CHRM3: variants seen among roughly 807,000 people sequenced by gnomAD.
The protein encoded by CHRM3 is cholinergic receptor muscarinic 3, also known as muscarinic acetylcholine receptor M3.
Under a neutral mutation model 41.8 loss-of-function variants are expected in CHRM3, and 11 were observed. That is an observed-to-expected ratio of 0.26 (90% confidence interval 0.17 to 0.44). The LOEUF (loss-of-function observed/expected upper bound fraction) is 0.44, where lower values mean the gene tolerates loss of function less well. CHRM3 is among the 20% of genes least tolerant of loss of function. The pLI, the probability that CHRM3 is intolerant of heterozygous loss-of-function variation, is 1.00. For synonymous variants in CHRM3, 297 were observed against 301.4 expected, an observed-to-expected ratio of 0.99 and a Z score of 0.15; for missense variants, 571 against 745.4, an observed-to-expected ratio of 0.77 and a Z score of 2.72.
rs535760328 is a variant in CHRM3 at position 239,638,529 on chromosome 1, T to C, written c.-250+6243T>C. Among the ~76,000 whole-genome samples the C allele has an allele frequency of 2.1e-3, 324 of 152,332 alleles. 2 individuals are homozygous for C. Among genetic ancestry groups the C allele is most frequent in the African/African-American group, 7.1e-3 (297 of 41,590 alleles). ...TGATGGCCAGTGATGATGAGCATTT[T>C]TTCATGTGTTTTTTGGCTGCATGAA... On this transcript the variant is annotated intron_variant, in intron 4 of 6. Transcript: ENST00000676153.
Position 239,544,783 on chromosome 1 carries a change from A to G in CHRM3, c.-421-858A>G, listed in dbSNP as rs1659127288. On this transcript the variant is annotated intron_variant, in intron 2 of 6. Coordinates refer to ENST00000676153, the MANE Select transcript of CHRM3 (RefSeq NM_001375978.1). ...CCATGCTTGCATTTTAGAGAACTATATGGGAGACAGAGAACCAATGAGATG... is the reference window on the plus strand; with the variant it reads ...CCATGCTTGCATTTTAGAGAACTATGTGGGAGACAGAGAACCAATGAGATG... 2.0e-5 allele frequency among the ~76,000 whole-genome samples: 3 copies of G among 152,330 alleles called. No individual in the cohort carries two copies. The South Asian group carries it at 6.2e-4, about 32-fold the overall frequency.
In CHRM3 at chr1:239,696,181, A is replaced by T. The variant is rs142484387; in HGVS notation, c.-147+17893A>T. On this transcript the variant is annotated intron_variant, in intron 5 of 6. Transcript: ENST00000676153. ...AAACTCCAGTTTCTGCATCATTAAGATGGAAATAGTGATAGCTGTCCTATG... is the reference window on the plus strand; with the variant it reads ...AAACTCCAGTTTCTGCATCATTAAGTTGGAAATAGTGATAGCTGTCCTATG... Among the ~76,000 whole-genome samples, 455 of 152,274 alleles carry T rather than the reference A, an allele frequency of 3.0e-3. 3 individuals carry two copies. Among genetic ancestry groups the T allele is most frequent in the African/African-American group, 0.01 (431 of 41,554 alleles).
At chr1:239,422,799 AAAAACAAAAAC>A (rs1256365601) in intron 1 of CHRM3, among the ~76,000 whole-genome samples, 1 of 138,526 alleles carries the variant, frequency 7.2e-6, no homozygotes, top group African/African-American at 2.9e-5. Flanking sequence ...CTATCTTAAA[AAAAACAAAAAC>A]AAAAACAAAA....
chr1:239,913,985 A>T lies in CHRM3; in HGVS notation c.*4761A>T, dbSNP rs1169959642. 6.0e-6 allele frequency: 1 copy of T among 166,964 alleles called. No individual in the cohort carries two copies. The highest frequency in any genetic ancestry group is 1.5e-5 in the Non-Finnish European group (1 of 68,120). 10.3% of individuals were successfully genotyped at this position (166,964 alleles called of 1,614,324 possible). ...TGGGCTGAGACCACCCCAAAAAATC[A>T]TCTAGAGAATCAAAGGGGCTCACAT... On this transcript the variant is annotated 3_prime_UTR_variant, in exon 7 of 7. Transcript: ENST00000676153.
At chr1:239,529,085 T>C (rs565471857) in intron 2 of CHRM3, among the ~76,000 whole-genome samples, 167 of 152,216 alleles carry the variant, frequency 1.1e-3, no homozygotes, top group Non-Finnish European at 1.7e-3. Flanking sequence ...TAGTACTTAA[T>C]GGAGTGGTTC....
intron 1 of CHRM3, among the ~76,000 whole-genome samples, chr1:239,463,222 TTAATATTGGAATTG>T (rs1665486087): frequency 6.6e-6 from 1 of 152,142 alleles, no homozygotes; most frequent in Non-Finnish European, 1.5e-5. Context: ...AGTGAGTATA[TTAATATTGGAATTG>T]TATGAGGCAT....
intron 5 of CHRM3, among the ~76,000 whole-genome samples, chr1:239,769,142 A>G (rs751999691): frequency 2.6e-5 from 4 of 151,936 alleles, no homozygotes; most frequent in African/African-American, 7.3e-5. Flanking sequence ...CTTTCATTCA[A>G]TTGTTCTATA....
chr1:239,894,560 G>A (rs1343641957), intron 6 of CHRM3, among the ~76,000 whole-genome samples: 5 of 152,112 alleles, frequency 3.3e-5, no homozygotes, highest in Admixed American at 3.3e-4. Context: ...AGCCTGCCAA[G>A]TAGCTGGCAT....
At chr1:239,489,943 A>G (rs2148056407) in intron 1 of CHRM3, among the ~76,000 whole-genome samples, 1 of 152,272 alleles carries the variant, frequency 6.6e-6, no homozygotes, top group Non-Finnish European at 1.5e-5. Flanking sequence ...GGGTAGTGCT[A>G]AAGAGAGCAG....
rs552184606 is a variant in CHRM3 at position 239,687,130 on chromosome 1, A to G, written c.-147+8842A>G. On this transcript the variant is annotated intron_variant, in intron 5 of 6. Transcript: ENST00000676153. ...TTATTGATACTATATTTTAATAATA[A>G]TAAAATAATAATATGCTTGGAAAAA... Among the ~76,000 whole-genome samples, 11 of 151,820 alleles carry G rather than the reference A, an allele frequency of 7.2e-5. No individual in the cohort carries two copies. The East Asian group carries it at 1.7e-3, about 24-fold the overall frequency.
At chr1:239,436,947 G>A (rs955326123) in intron 1 of CHRM3, among the ~76,000 whole-genome samples, 25 of 151,978 alleles carry the variant, frequency 1.6e-4, no homozygotes, top group Middle Eastern at 6.8e-3. Context: ...GTGATCTCTC[G>A]TGGGATTACT....
chr1:239,413,860 T>G, intron 1 of CHRM3, among the ~76,000 whole-genome samples: 1 of 152,336 alleles, frequency 6.6e-6, no homozygotes, highest in South Asian at 2.1e-4. Context: ...AACAAACAGC[T>G]AAATGTCAGT....
At chr1:239,609,975 G>T (rs1233638672) in intron 3 of CHRM3, among the ~76,000 whole-genome samples, 1 of 151,832 alleles carries the variant, frequency 6.6e-6, no homozygotes, top group East Asian at 1.9e-4. Context: ...GGTGGATCAC[G>T]AGGTCAGGAG....
intron 1 of CHRM3, among the ~76,000 whole-genome samples, chr1:239,400,975 A>T (rs1433996792): frequency 6.6e-6 from 1 of 152,198 alleles, no homozygotes; most frequent in Non-Finnish European, 1.5e-5. Flanking sequence ...AGGTTGTACC[A>T]TGTTGCCTTT....
intron 5 of CHRM3, among the ~76,000 whole-genome samples, chr1:239,811,404 G>A (rs1384947851): frequency 6.6e-6 from 1 of 152,186 alleles, no homozygotes; most frequent in African/African-American, 2.4e-5. Context: ...CTGCACCGAA[G>A]GCTCCTTGCT....
intron 6 of CHRM3, among the ~76,000 whole-genome samples, chr1:239,838,334 G>A (rs1673499851): frequency 6.6e-6 from 1 of 152,050 alleles, no homozygotes. Flanking sequence ...AGAAAGGAGT[G>A]ATTTGATCAG....
At chr1:239,605,792 G>A (rs532090860) in intron 3 of CHRM3, among the ~76,000 whole-genome samples, 1 of 152,214 alleles carries the variant, frequency 6.6e-6, no homozygotes, top group East Asian at 1.9e-4. Context: ...AGCTATATGA[G>A]AACTACTTGA....
At chr1:239,776,702 A>G (rs1408683651) in intron 5 of CHRM3, among the ~76,000 whole-genome samples, 1 of 152,224 alleles carries the variant, frequency 6.6e-6, no homozygotes, top group East Asian at 1.9e-4. Flanking sequence ...TAATAAAGAC[A>G]TACCTGAGAC....
At chr1:239,559,671 C>A (rs888027915) in intron 3 of CHRM3, among the ~76,000 whole-genome samples, 2 of 152,102 alleles carry the variant, frequency 1.3e-5, no homozygotes, top group Non-Finnish European at 2.9e-5. Context: ...ATTTCTTGTA[C>A]CTGAATTGAT....
Sources: allele counts gnomAD v4.1 joint callset (sites outside exome capture counted in the v4.1 genomes callset), GRCh38; gene constraint gnomAD v4.1.1; transcripts MANE v1.5; gene names NCBI Gene and HGNC (gene_info 2026-07-23, HGNC 2026-07-21).